CCDC83: variants seen among roughly 807,000 people sequenced by gnomAD.
CCDC83 encodes coiled-coil domain containing 83.
CCDC83 carries 54 observed loss-of-function variants against 50.1 expected under a neutral mutation model. The ratio of observed to expected loss-of-function variants is 1.08; its 90% CI spans 0.87 to 1.35. The LOEUF (loss-of-function observed/expected upper bound fraction) is 1.35, where lower values mean the gene tolerates loss of function less well. Among genes scored for constraint, CCDC83 ranks in the 40% most tolerant of loss-of-function variants. CCDC83 has a pLI of 0.00. For synonymous variants in CCDC83, 161 were observed against 153.3 expected (o/e 1.05, Z -0.37); for missense variants, 518 against 473.9 (o/e 1.09, Z -0.86).
At chr11:85,855,716 C>T (rs1439276151) in intron 1 of CCDC83, 132 bp downstream of exon 1, 1 of 152,268 alleles carries the variant, frequency 6.6e-6, no homozygotes, top group Non-Finnish European at 1.5e-5. Flanking sequence ...GCCTCATAGC[C>T]CGGACAGCAA....
In CCDC83 at chr11:85,901,573, A is replaced by AAAAATAAAATAAAAT. The variant is rs60832149; in HGVS notation, c.672+2570_672+2584dup. ...GGGCAACAGATTGAGACTCTGTCTC[A>AAAAATAAAATAAAAT]AAAATAAAATAAAATAAAATAAAAT... On this transcript the variant is annotated intron_variant, in intron 7 of 10. Coordinates refer to ENST00000342404, the MANE Select transcript of CCDC83 (RefSeq NM_001286159.2). Among the ~76,000 whole-genome samples, 249 of 143,662 alleles carry AAAAATAAAATAAAAT rather than the reference A, an allele frequency of 1.7e-3. 1 individual carries two copies. Among genetic ancestry groups the AAAAATAAAATAAAAT allele is most frequent in the African/African-American group, 6.0e-3 (231 of 38,386 alleles). 94.2% of individuals were successfully genotyped at this position (143,662 alleles called of 152,430 possible). A position where few individuals can be genotyped will look rare whatever the true frequency, so the allele number is the denominator to read the frequency against.
At chr11:85,917,703 C>T (rs1485451414) in intron 10 of CCDC83, among the ~76,000 whole-genome samples, 2 of 152,264 alleles carry the variant, frequency 1.3e-5, no homozygotes, top group African/African-American at 2.4e-5. Flanking sequence ...TAAACCAACA[C>T]AAACCATTTT....
chr11:85,862,255 G>A (rs1235890607), intron 1 of CCDC83, among the ~76,000 whole-genome samples: 1 of 152,142 alleles, frequency 6.6e-6, no homozygotes, highest in Non-Finnish European at 1.5e-5. Context: ...AAATGATGGA[G>A]TAGATTCTGG....
chr11:85,887,083 T>C (rs1054894237), intron 5 of CCDC83, among the ~76,000 whole-genome samples: 3 of 152,094 alleles, frequency 2.0e-5, no homozygotes, highest in African/African-American at 7.2e-5. Flanking sequence ...AGAATCATCA[T>C]GGAGAAACGT....
chr11:85,888,509 T>TA (rs1248730996), intron 5 of CCDC83, among the ~76,000 whole-genome samples: 1 of 152,188 alleles, frequency 6.6e-6, no homozygotes, highest in African/African-American at 2.4e-5. Flanking sequence ...CTTTACATTT[T>TA]AAAAAAATTA....
At chr11:85,879,439 T>C (rs1356910673) in intron 3 of CCDC83, among the ~76,000 whole-genome samples, 1 of 152,112 alleles carries the variant, frequency 6.6e-6, no homozygotes, top group Non-Finnish European at 1.5e-5. Flanking sequence ...AAAAATCAGT[T>C]CGACATTGAA....
chr11:85,917,154 GA>G (rs1565159861), intron 10 of CCDC83, among the ~76,000 whole-genome samples: 4 of 69,712 alleles, frequency 5.7e-5, no homozygotes, highest in African/African-American at 2.1e-4. Context: ...GAGAGAGAGA[GA>G]GAGAGAGAGA....
At chr11:85,907,955 T>G (rs200209507) in intron 7 of CCDC83, among the ~76,000 whole-genome samples, 2 of 152,152 alleles carry the variant, frequency 1.3e-5, no homozygotes, top group East Asian at 3.9e-4. Flanking sequence ...CTAACTATAG[T>G]TTTTTTTCCT....
chr11:85,866,666 C>CA (rs200424940), intron 2 of CCDC83, among the ~76,000 whole-genome samples: 4,112 of 94,028 alleles, frequency 0.044, 64 homozygotes, highest in African/African-American at 0.059. Context: ...AAAAACAAAA[C>CA]AAAAAAAAAA....
chr11:85,872,697 A>C (rs1181710849), intron 2 of CCDC83, among the ~76,000 whole-genome samples: 1 of 152,078 alleles, frequency 6.6e-6, no homozygotes, highest in Non-Finnish European at 1.5e-5. Context: ...CTCAACAAAT[A>C]CTTGTTGAGT....
intron 7 of CCDC83, among the ~76,000 whole-genome samples, chr11:85,902,817 A>T (rs1004359963): frequency 6.6e-6 from 1 of 152,180 alleles, no homozygotes; most frequent in Admixed American, 6.5e-5. Flanking sequence ...TGCAGAGCCC[A>T]TGTTTATACC....
intron 1 of CCDC83, among the ~76,000 whole-genome samples, chr11:85,857,970 T>G (rs1181249039): frequency 6.6e-6 from 1 of 152,184 alleles, no homozygotes; most frequent in Non-Finnish European, 1.5e-5. Context: ...TGCCATCATT[T>G]GTAACACTGG....
intron 2 of CCDC83, among the ~76,000 whole-genome samples, chr11:85,866,564 G>A (rs1383726002): frequency 1.3e-5 from 2 of 151,796 alleles, no homozygotes; most frequent in Non-Finnish European, 2.9e-5. Flanking sequence ...GAGACGGGAG[G>A]ATTGCCTGAG....
At chr11:85,885,693 T>C (rs2093323586) in intron 4 of CCDC83, among the ~76,000 whole-genome samples, 1 of 152,230 alleles carries the variant, frequency 6.6e-6, no homozygotes, top group South Asian at 2.1e-4. Flanking sequence ...GAGGCTATCA[T>C]TTCATACAAG....
intron 5 of CCDC83, among the ~76,000 whole-genome samples, chr11:85,894,647 G>T (rs1462530324): frequency 6.6e-6 from 1 of 152,134 alleles, no homozygotes. Context: ...TTCCCCATTA[G>T]AATGTACATA....
At chr11:85,899,635 G>T (rs1451291275) in intron 7 of CCDC83, among the ~76,000 whole-genome samples, 1 of 152,112 alleles carries the variant, frequency 6.6e-6, no homozygotes, top group Non-Finnish European at 1.5e-5. Context: ...TTGTTTTATT[G>T]TAATTCTTGC....
At chr11:85,908,281 C>T (rs1327205113) in intron 7 of CCDC83, among the ~76,000 whole-genome samples, 3 of 152,140 alleles carry the variant, frequency 2.0e-5, no homozygotes, top group Non-Finnish European at 4.4e-5. Flanking sequence ...TTCACCCTTG[C>T]ATCCTTCTAC....
chr11:85,888,788 T>G (rs2093338808), intron 5 of CCDC83, among the ~76,000 whole-genome samples: 1 of 152,196 alleles, frequency 6.6e-6, no homozygotes. Flanking sequence ...TGTTCCAACA[T>G]CATTTATCAT....
intron 4 of CCDC83, among the ~76,000 whole-genome samples, chr11:85,885,881 G>A (rs11234462): frequency 0.24 from 36,425 of 152,038 alleles, 4,638 homozygotes; most frequent in Middle Eastern, 0.26. Flanking sequence ...ATGATACACT[G>A]TACAAAATAG....
Sources: gnomAD v4.1 joint callset for allele counts (sites outside exome capture counted in the v4.1 genomes callset) on GRCh38, gnomAD v4.1.1 for gene constraint, MANE v1.5 for transcripts, NCBI Gene and HGNC (gene_info 2026-07-23, HGNC 2026-07-21) for gene names.